Variants in ZNF717 observed in about 807,000 individuals in gnomAD.
ZNF717 encodes zinc finger protein 717.
Under a neutral mutation model 13.8 loss-of-function variants are expected in ZNF717, and 9 were observed. That is an observed-to-expected ratio of 0.65 (90% CI 0.39 to 1.14). ZNF717 has a LOEUF of 1.14. ZNF717 is among the 50% of genes most tolerant of loss of function. The pLI is 0.01. For missense variants in ZNF717, 1,040 were observed against 1,080.7 expected, an observed-to-expected ratio of 0.96 and a Z score of 0.53; for synonymous variants, 327 against 364.1, an observed-to-expected ratio of 0.90 and a Z score of 1.16.
chr3:75,701,679 G>A (rs1937699619), intron 6 of ZNF717, among the ~76,000 whole-genome samples: 1 of 152,312 alleles, frequency 6.6e-6, no homozygotes, highest in African/African-American at 2.4e-5. Flanking sequence ...AACAGATCAA[G>A]ACTTCATCTC....
At chr3:75,719,968 A>AT (rs1938136224) in intron 4 of ZNF717, among the ~76,000 whole-genome samples, 2 of 61,780 alleles carry the variant, frequency 3.2e-5, no homozygotes, top group Non-Finnish European at 6.0e-5. Flanking sequence ...CAAAATAATA[A>AT]TAAATAATAA....
At chr3:75,771,442 G>T (rs1338152483) in intron 2 of ZNF717, among the ~76,000 whole-genome samples, 1 of 152,180 alleles carries the variant, frequency 6.6e-6, no homozygotes, top group Non-Finnish European at 1.5e-5. Context: ...ATTTAATTCA[G>T]CTGAAGATTT....
intron 2 of ZNF717, among the ~76,000 whole-genome samples, chr3:75,742,323 A>C (rs77593817): frequency 8.4e-6 from 1 of 119,050 alleles, no homozygotes; most frequent in African/African-American, 3.8e-5. Flanking sequence ...CTACCTCTCA[A>C]AAAAAAAAAA....
chr3:75,765,534 C>T (rs1393650631), intron 2 of ZNF717, among the ~76,000 whole-genome samples: 17 of 152,218 alleles, frequency 1.1e-4, no homozygotes, highest in Middle Eastern at 3.4e-3. Flanking sequence ...CCTCAGCCTC[C>T]CGAATAGTTG....
chr3:75,741,034 G>C, intron 4 of ZNF717, among the ~76,000 whole-genome samples: 1 of 152,194 alleles, frequency 6.6e-6, no homozygotes, highest in Non-Finnish European at 1.5e-5. Context: ...AGAGAAAAAG[G>C]CCTAAGGAGA....
chr3:75,750,879 C>A (rs3009043), intron 2 of ZNF717, among the ~76,000 whole-genome samples: 1 of 150,452 alleles, frequency 6.6e-6, no homozygotes, highest in Non-Finnish European at 1.5e-5. Flanking sequence ...AGGGTCTGAA[C>A]GTTTGTCCCT....
downstream of ZNF717, among the ~76,000 whole-genome samples, chr3:75,733,061 AT>A (rs1321116662): frequency 1.3e-5 from 2 of 152,182 alleles, no homozygotes; most frequent in East Asian, 3.9e-4. Flanking sequence ...AACAGTAGAG[AT>A]AAAAAAAATA....
intron 2 of ZNF717, among the ~76,000 whole-genome samples, chr3:75,768,830 G>A (rs1175495100): frequency 6.6e-6 from 1 of 151,362 alleles, no homozygotes; most frequent in African/African-American, 2.4e-5. Flanking sequence ...GTCACTGAGT[G>A]TGTGGGGGGA....
intron 2 of ZNF717, among the ~76,000 whole-genome samples, chr3:75,748,562 G>C (rs1405955006): frequency 6.6e-6 from 1 of 152,076 alleles, no homozygotes; most frequent in African/African-American, 2.4e-5. Flanking sequence ...ATGTAATCCA[G>C]CATATAAACA....
chr3:75,745,701 G>A (rs370196739), intron 2 of ZNF717, among the ~76,000 whole-genome samples: 1 of 151,830 alleles, frequency 6.6e-6, no homozygotes, highest in Non-Finnish European at 1.5e-5. Flanking sequence ...ACCAGTAGGA[G>A]TCATGTCATG....
intron 5 of ZNF717, among the ~76,000 whole-genome samples, chr3:75,711,631 A>G (rs936336465): frequency 2.6e-5 from 4 of 152,136 alleles, no homozygotes; most frequent in Non-Finnish European, 4.4e-5. Flanking sequence ...TCCCATCTCT[A>G]TAAAAAAAAT....
Position 75,735,902 on chromosome 3 carries a change from A to AC in ZNF717, c.*975_*976insG, listed in dbSNP as rs1481094245. On this transcript the variant is annotated 3_prime_UTR_variant, in exon 5 of 5. Coordinates refer to ENST00000652011, the MANE Select transcript of ZNF717 (RefSeq NM_001290208.3). ...GCTTCACTTTATTTTGCTTGGCAAC[A>AC]TCACCTTTTTAACAAATTAAAGATT... 2 of 152,224 alleles carry AC rather than the reference A, an allele frequency of 1.3e-5. No individual in the cohort carries two copies. The highest frequency in any genetic ancestry group is 2.9e-5 in the Non-Finnish European group (2 of 68,052). The allele number at this position is 152,224 out of a possible 1,614,324, so 9.4% of individuals were successfully genotyped here.
At position 75,739,014 on chromosome 3, in the gene ZNF717, T is replaced by A. The variant is rs200778975; in HGVS notation, c.609A>T (p.Gln203His). ...HEHLTQHHKI[Q>H]TLLQTFQCNE... ...TACATTGAAAAGTCTGCAGCAGAGT[T>A]TGAATCTTGTGATGCTGAGTAAGAT... is the stretch of plus-strand genomic sequence containing the variant. Residue 203 changes from glutamine to histidine, a missense_variant, in exon 5 of 5, where the codon CAA (glutamine) becomes CAT (histidine). Physicochemically the swap from Gln to His is conservative, Grantham distance 24 (BLOSUM62 0). This residue lies in a region of ZNF717 where 873 missense variants were observed against 832.8 expected (regional missense o/e 1.05). Transcript: ENST00000652011. 76 of 1,551,466 alleles carry A rather than the reference T, an allele frequency of 4.9e-5. No individual in the cohort carries two copies. The highest frequency in any genetic ancestry group is 6.6e-5 in the Non-Finnish European group (76 of 1,146,954).
At chr3:75,707,491 G>A (rs1313130164), downstream of ZNF717, among the ~76,000 whole-genome samples, 1 of 152,300 alleles carries the variant, frequency 6.6e-6, no homozygotes, top group South Asian at 2.1e-4. Context: ...GGCTGAATAG[G>A]ATTGGCTCTG....
chr3:75,741,942 C>A, intron 2 of ZNF717: 1 of 618,594 alleles, frequency 1.6e-6, no homozygotes, highest in South Asian at 2.5e-5. Context: ...TCTGGGAATT[C>A]ACTCTTTGGT....
downstream of ZNF717, among the ~76,000 whole-genome samples, chr3:75,734,451 G>A (rs1275141270): frequency 1.0e-5 from 1 of 96,338 alleles, no homozygotes; most frequent in South Asian, 2.7e-4. Context: ...TTTTTTTTGT[G>A]AGATGGAGTC....
chr3:75,754,424 A>T (rs1326726732), intron 2 of ZNF717, among the ~76,000 whole-genome samples: 1 of 146,564 alleles, frequency 6.8e-6, no homozygotes, highest in African/African-American at 2.6e-5. Flanking sequence ...TGATTTTGGA[A>T]TTTTTTTTTT....
intron 2 of ZNF717, among the ~76,000 whole-genome samples, chr3:75,754,950 G>A (rs1424114147): frequency 6.6e-6 from 1 of 152,022 alleles, no homozygotes; most frequent in Non-Finnish European, 1.5e-5. Flanking sequence ...CCAGAGGTGG[G>A]GCAGAAAACA....
chr3:75,770,368 C>T (rs60815276), intron 2 of ZNF717, among the ~76,000 whole-genome samples: 14,171 of 152,154 alleles, frequency 0.093, 1,130 homozygotes, highest in African/African-American at 0.2. Context: ...CGAGACCACC[C>T]TGATCAAAAC....
Sources: gnomAD v4.1 joint callset for allele counts (sites outside exome capture counted in the v4.1 genomes callset) on GRCh38, gnomAD v4.1.1 for gene constraint, gnomAD v4.1.1 regional missense constraint, MANE v1.5 for transcripts, NCBI Gene and HGNC (gene_info 2026-07-23, HGNC 2026-07-21) for gene names.